Variants in DNAAF6 observed in about 807,000 individuals in gnomAD.
DNAAF6 encodes PIH1 domain containing 3.
Under a neutral mutation model 13.7 loss-of-function variants are expected in DNAAF6, and 3 were observed. That is an observed-to-expected ratio of 0.22 (90% CI 0.10 to 0.56). DNAAF6 has a LOEUF of 0.56. Among genes scored for constraint, DNAAF6 ranks in the 20% least tolerant of loss-of-function variants. The pLI is 0.92. For missense variants in DNAAF6, 130 were observed against 151.0 expected, an observed-to-expected ratio of 0.86 and a Z score of 0.73; for synonymous variants, 54 against 49.2, an observed-to-expected ratio of 1.10 and a Z score of -0.41.
Position 107,243,082 on chromosome X carries a change from T to C in DNAAF6, c.516-87T>C, listed in dbSNP as rs1928657170. ...GGGGGGGGGTTGTTTTCTAACACTC[T>C]AGTGGCATATGTTGTTTGCAATTGT... On this transcript the variant is annotated intron_variant, in intron 6 of 6. Transcript: ENST00000372453. 42 of 1,019,035 alleles carry C rather than the reference T, an allele frequency of 4.1e-5. No homozygotes were observed. The South Asian group carries it at 7.4e-4, about 18-fold the overall frequency. 84.0% of individuals were successfully genotyped at this position (1,019,035 alleles called of 1,213,427 possible).
chrX:107,224,522 T>C (rs1936015), intron 5 of DNAAF6, among the ~76,000 whole-genome samples: 29,195 of 110,527 alleles, frequency 0.26, 3,329 homozygotes, highest in East Asian at 0.48. Context: ...GTAAAGGAGA[T>C]TGACACCTAA....
intron 2 of DNAAF6, among the ~76,000 whole-genome samples, chrX:107,216,375 C>T (rs935141472): frequency 2.7e-5 from 3 of 111,767 alleles, no homozygotes; most frequent in Non-Finnish European, 5.6e-5. Flanking sequence ...GAATGTGGCT[C>T]GTTCCTCTAT....
intron 5 of DNAAF6, among the ~76,000 whole-genome samples, chrX:107,235,975 TA>T (rs1311227213): frequency 7.0e-4 from 77 of 109,358 alleles, no homozygotes; most frequent in Non-Finnish European, 1.3e-3. Context: ...AAAATAAAAA[TA>T]AAAATAAATT....
intron 5 of DNAAF6, among the ~76,000 whole-genome samples, chrX:107,232,722 T>A (rs960723431): frequency 1.8e-5 from 2 of 110,516 alleles, no homozygotes; most frequent in Admixed American, 1.9e-4. Flanking sequence ...GGTTCCAATG[T>A]TAGAAAGGGT....
chrX:107,239,749 C>T (rs1352847337), intron 6 of DNAAF6, among the ~76,000 whole-genome samples: 2 of 111,571 alleles, frequency 1.8e-5, no homozygotes, highest in Admixed American at 1.9e-4. Flanking sequence ...TGCATTTAAC[C>T]CAAAATGGTC....
Position 107,243,286 on chromosome X carries a change from T to A in DNAAF6, c.633T>A (p.Ala211=). 8.3e-7 allele frequency: 1 copy of A among 1,201,377 alleles called. No individual in the cohort carries two copies. ...TMTMKRELDI[A]NFF is the part of the protein sequence containing the mutation. ...CTATGAAAAGAGAGTTAGATATTGC[T>A]AATTTCTTCTGAAACTGCATGAAAA... The change falls in exon 7 of 7, where the codon GCT becomes GCA. Residue 211 remains alanine (A), a synonymous_variant. Transcript: ENST00000372453.
chrX:107,230,837 T>G (rs758147784), intron 5 of DNAAF6, among the ~76,000 whole-genome samples: 8 of 111,824 alleles, frequency 7.2e-5, no homozygotes, highest in Non-Finnish European at 1.3e-4. Context: ...ATGTGACACT[T>G]TCTTCCTTGT....
intron 5 of DNAAF6, among the ~76,000 whole-genome samples, chrX:107,233,629 C>T (rs1928460040): frequency 9.2e-6 from 1 of 109,192 alleles, no homozygotes; most frequent in Non-Finnish European, 1.9e-5. Context: ...TAATGGAGGA[C>T]ATGAGTTTTT....
intron 2 of DNAAF6, among the ~76,000 whole-genome samples, chrX:107,215,867 T>G (rs1326160307): frequency 9.0e-6 from 1 of 111,269 alleles, no homozygotes; most frequent in Non-Finnish European, 1.9e-5. Context: ...CAAAAAACAA[T>G]TGGTAAGAAA....
chrX:107,218,152 C>T (rs1009004969), intron 3 of DNAAF6, among the ~76,000 whole-genome samples: 5 of 112,098 alleles, frequency 4.5e-5, no homozygotes, highest in Admixed American at 2.8e-4. Flanking sequence ...CCACCGGATG[C>T]TACAATAGTT....
intron 1 of DNAAF6, among the ~76,000 whole-genome samples, chrX:107,208,022 G>GA (rs1476172688): frequency 6.3e-5 from 7 of 111,154 alleles, no homozygotes; most frequent in Non-Finnish European, 1.3e-4. Flanking sequence ...TAAACGAAGA[G>GA]AAAAAAATAT....
chrX:107,211,236 T>G (rs1483905705), intron 1 of DNAAF6, among the ~76,000 whole-genome samples: 1 of 112,336 alleles, frequency 8.9e-6, no homozygotes, highest in African/African-American at 3.2e-5. Flanking sequence ...GTTTTTCTCT[T>G]TTGATACTTT....
intron 2 of DNAAF6, among the ~76,000 whole-genome samples, chrX:107,213,927 C>T (rs926539716): frequency 6.3e-5 from 7 of 111,478 alleles, no homozygotes; most frequent in African/African-American, 2.3e-4. Flanking sequence ...CAATTTACTC[C>T]TCCCAAAATT....
At chrX:107,233,441 A>T (rs1928454701) in intron 5 of DNAAF6, among the ~76,000 whole-genome samples, 1 of 111,489 alleles carries the variant, frequency 9.0e-6, no homozygotes, top group Admixed American at 9.6e-5. Context: ...CTCTAGATTT[A>T]TTCATGCTAA....
At chrX:107,216,554 A>G in intron 2 of DNAAF6, 117 bp from the exon 3 acceptor site, 2 of 426,222 alleles carry the variant, frequency 4.7e-6, no homozygotes, top group Non-Finnish European at 7.8e-6. Flanking sequence ...ATGGGTAATT[A>G]AAGTGGAAAG....
chrX:107,234,208 A>G (rs1344150404), intron 5 of DNAAF6, among the ~76,000 whole-genome samples: 1 of 112,317 alleles, frequency 8.9e-6, no homozygotes, highest in Non-Finnish European at 1.9e-5. Flanking sequence ...AGCATTATTG[A>G]AATTTATCCA....
At chrX:107,220,957 T>TTCTTTCTTTCTTTCTG (rs1460566345) in intron 4 of DNAAF6, among the ~76,000 whole-genome samples, 5 of 50,520 alleles carry the variant, frequency 9.9e-5, no homozygotes, top group African/African-American at 2.9e-4. Flanking sequence ...CTTTCTTTCT[T>TTCTTTCTTTCTTTCTG]TTTCTTTCTT....
At chrX:107,240,823 A>G (rs1434137733) in intron 6 of DNAAF6, among the ~76,000 whole-genome samples, 3 of 111,779 alleles carry the variant, frequency 2.7e-5, no homozygotes, top group Non-Finnish European at 5.7e-5. Flanking sequence ...AGTGAATTCT[A>G]AGAATTTCAT....
chrX:107,232,089 G>A lies in DNAAF6; in HGVS notation c.430-6833G>A, dbSNP rs376963491. On this transcript the variant is annotated intron_variant, in intron 5 of 6. Coordinates refer to ENST00000372453, the MANE Select transcript of DNAAF6 (RefSeq NM_173494.2). ...GTCAGGCTGGTCTCAAACTCCTGAC[G>A]TGAAGTGATCCACCCACCTTGGCCT... 7.2e-5 allele frequency among the ~76,000 whole-genome samples: 8 copies of A among 111,861 alleles called. No homozygotes were observed. In the East Asian group the frequency reaches 2.0e-3, roughly 28 times the overall value.
Sources: allele counts gnomAD v4.1 joint callset (sites outside exome capture counted in the v4.1 genomes callset), GRCh38; gene constraint gnomAD v4.1.1; transcripts MANE v1.5; gene names NCBI Gene and HGNC (gene_info 2026-07-23, HGNC 2026-07-21).